The following NAV3 variants were observed in gnomAD, a reference collection of about 807,000 sequenced individuals.
NAV3 encodes the protein neuron navigator 3.
NAV3 carries 87 observed loss-of-function variants against 244.7 expected under a neutral mutation model. The observed-to-expected ratio is 0.36, with a 90% CI of 0.30 to 0.42. The LOEUF (loss-of-function observed/expected upper bound fraction) is 0.42, where lower values mean the gene tolerates loss of function less well. Ranked by LOEUF, NAV3 falls within the 20% of genes least tolerant of loss-of-function variation. The pLI is 1.00. For synonymous variants in NAV3, 1,126 were observed against 1,042.2 expected, an observed-to-expected ratio of 1.08 and a Z score of -1.55; for missense variants, 2,663 against 2,893.3, an observed-to-expected ratio of 0.92 and a Z score of 1.83.
At chr12:78,046,223 A>G (rs899732086) in intron 9 of NAV3, among the ~76,000 whole-genome samples, 7 of 152,082 alleles carry the variant, frequency 4.6e-5, no homozygotes, top group African/African-American at 1.2e-4. Flanking sequence ...TTGTGTCTCT[A>G]TCTCCTTCAG....
intron 2 of NAV3, among the ~76,000 whole-genome samples, chr12:77,790,996 A>G (rs1251601521): frequency 6.6e-6 from 1 of 152,152 alleles, no homozygotes; most frequent in Non-Finnish European, 1.5e-5. Context: ...AAACGAAACA[A>G]CAACAACAAA....
At chr12:77,595,654 A>G (rs1389383572) in intron 2 of NAV3, among the ~76,000 whole-genome samples, 1 of 152,200 alleles carries the variant, frequency 6.6e-6, no homozygotes, top group South Asian at 2.1e-4. Flanking sequence ...CTAAATATAT[A>G]TAATTTTCAT....
Position 78,188,701 on chromosome 12 carries a change from T to C in NAV3, c.5979T>C (p.His1993=). ...GTATAGGAGACTTAATTAGATCCCATAACCTAGAAGTGCCTGAATTGCTGC... is the reference window on the plus strand; with the variant it reads ...GTATAGGAGACTTAATTAGATCCCACAACCTAGAAGTGCCTGAATTGCTGC... ...SYCIGDLIRS[H]NLEVPELLPC... The change falls in exon 33 of 40, where the codon CAT becomes CAC. Residue 1993 remains histidine, a synonymous_variant. Coordinates refer to ENST00000397909, the MANE Select transcript of NAV3 (RefSeq NM_001024383.2). 1 of 1,612,572 alleles carries C rather than the reference T, an allele frequency of 6.2e-7. No individual in the cohort carries two copies. Among genetic ancestry groups the C allele is most frequent in the Non-Finnish European group, 8.5e-7 (1 of 1,179,010 alleles).
intron 3 of NAV3, among the ~76,000 whole-genome samples, chr12:77,964,062 T>C (rs1196649788): frequency 6.8e-6 from 1 of 146,086 alleles, no homozygotes; most frequent in Non-Finnish European, 1.5e-5. Flanking sequence ...CTTTCTTTCC[T>C]TATCCTTCTC....
intron 5 of NAV3, among the ~76,000 whole-genome samples, chr12:77,969,560 C>T (rs1593153631): frequency 6.6e-6 from 1 of 152,182 alleles, no homozygotes; most frequent in East Asian, 1.9e-4. Flanking sequence ...AAAAGCCAAA[C>T]TTTCGGCCAG....
intron 30 of NAV3, 103 bp downstream of exon 30, chr12:78,181,148 C>G: frequency 9.9e-7 from 1 of 1,005,146 alleles, no homozygotes; most frequent in South Asian, 1.6e-5. Flanking sequence ...AAATGTTACA[C>G]TCTAATTCTC....
At chr12:77,640,435 C>T (rs1012212427) in intron 2 of NAV3, among the ~76,000 whole-genome samples, 2 of 152,144 alleles carry the variant, frequency 1.3e-5, no homozygotes, top group Non-Finnish European at 2.9e-5. Flanking sequence ...TCCATCCCTT[C>T]CCCATCCCTG....
chr12:77,648,691 T>C (rs1872700904), intron 2 of NAV3, among the ~76,000 whole-genome samples: 1 of 152,146 alleles, frequency 6.6e-6, no homozygotes, highest in South Asian at 2.1e-4. Flanking sequence ...CAATTTATTT[T>C]ATTTGCTTGA....
chr12:77,678,393 T>C (rs1874302061), intron 2 of NAV3, among the ~76,000 whole-genome samples: 1 of 152,210 alleles, frequency 6.6e-6, no homozygotes, highest in Non-Finnish European at 1.5e-5. Flanking sequence ...ATGGAAATTA[T>C]TGTTTCTATG....
At chr12:78,109,099 A>G (rs1019361851) in intron 12 of NAV3, among the ~76,000 whole-genome samples, 11 of 152,042 alleles carry the variant, frequency 7.2e-5, no homozygotes, top group Non-Finnish European at 1.6e-4. Flanking sequence ...AATAAACACA[A>G]TCAAAAACGA....
intron 2 of NAV3, among the ~76,000 whole-genome samples, chr12:77,679,224 A>C (rs187118885): frequency 3.3e-5 from 5 of 152,294 alleles, no homozygotes; most frequent in Admixed American, 2.6e-4. Context: ...TGAATATCAT[A>C]ATAGTGCAAG....
chr12:77,810,213 C>T (rs748750936), intron 2 of NAV3, among the ~76,000 whole-genome samples: 2 of 152,196 alleles, frequency 1.3e-5, no homozygotes, highest in African/African-American at 2.4e-5. Context: ...GCTCTGTCCC[C>T]CAGGCTGGAG....
At chr12:77,784,281 C>T (rs1870804283) in intron 2 of NAV3, among the ~76,000 whole-genome samples, 1 of 152,140 alleles carries the variant, frequency 6.6e-6, no homozygotes, top group Non-Finnish European at 1.5e-5. Context: ...ACTGATCCTG[C>T]TGGGCCTAGC....
intron 2 of NAV3, among the ~76,000 whole-genome samples, chr12:77,595,089 A>C (rs1188822138): frequency 1.3e-5 from 2 of 152,182 alleles, no homozygotes; most frequent in African/African-American, 4.8e-5. Flanking sequence ...CAGTACCTCA[A>C]AGAGATATCT....
At chr12:78,143,489 G>A (rs756988872) in intron 20 of NAV3, 15 of 344,482 alleles carry the variant, frequency 4.4e-5, no homozygotes, top group East Asian at 2.1e-4. Context: ...AAATTAGCCC[G>A]GTGTAGTGGC....
chr12:78,023,569 C>T (rs573323172), intron 9 of NAV3, among the ~76,000 whole-genome samples: 1 of 152,246 alleles, frequency 6.6e-6, no homozygotes, highest in South Asian at 2.1e-4. Context: ...TGAGACTTGT[C>T]TAATTATGTC....
chr12:77,900,773 A>C (rs990237134), intron 1 of NAV3, among the ~76,000 whole-genome samples: 1 of 152,126 alleles, frequency 6.6e-6, no homozygotes, highest in Admixed American at 6.5e-5. Flanking sequence ...TTCTCTTTTA[A>C]GTTCTTTGAG....
chr12:77,875,686 TATTTA>T (rs1881750574), intron 1 of NAV3, among the ~76,000 whole-genome samples: 1 of 152,110 alleles, frequency 6.6e-6, no homozygotes, highest in Admixed American at 6.5e-5. Context: ...ATGATTTATA[TATTTA>T]ATTGACTGTA....
At chr12:77,892,543 G>A (rs939009203) in intron 1 of NAV3, among the ~76,000 whole-genome samples, 4 of 151,940 alleles carry the variant, frequency 2.6e-5, no homozygotes, top group Non-Finnish European at 4.4e-5. Flanking sequence ...AGCCTCCTGA[G>A]TAGCTGGGAC....
Sources: allele counts gnomAD v4.1 joint callset (sites outside exome capture counted in the v4.1 genomes callset), GRCh38; gene constraint gnomAD v4.1.1; transcripts MANE v1.5; gene names NCBI Gene and HGNC (gene_info 2026-07-23, HGNC 2026-07-21).